Variants in DDAH1 observed in about 807,000 individuals in gnomAD.
DDAH1 encodes dimethylarginine dimethylaminohydrolase 1.
A neutral mutation model predicts 28.8 loss-of-function variants in DDAH1; 19 were observed. That is an observed-to-expected ratio of 0.66 (90% CI 0.46 to 0.97). The LOEUF is 0.97. DDAH1 is among the 50% of genes least tolerant of loss of function. The pLI is 0.00. For synonymous variants in DDAH1, 153 were observed against 154.4 expected, an observed-to-expected ratio of 0.99 and a Z score of 0.07; for missense variants, 326 against 375.9, an observed-to-expected ratio of 0.87 and a Z score of 1.10.
chr1:85,457,337 C>A (rs768660409), intron 1 of DDAH1, among the ~76,000 whole-genome samples: 1 of 152,172 alleles, frequency 6.6e-6, no homozygotes, highest in Non-Finnish European at 1.5e-5. Context: ...TTCTGGGAAG[C>A]CTTGGTGTGG....
intron 1 of DDAH1, among the ~76,000 whole-genome samples, chr1:85,407,755 T>C (rs900123337): frequency 6.6e-6 from 1 of 152,200 alleles, no homozygotes; most frequent in African/African-American, 2.4e-5. Context: ...CAATAATTTG[T>C]GCATTTAAAA....
In DDAH1 at chr1:85,382,354, G is replaced by A. The variant is rs1257191947; in HGVS notation, c.304-23507C>T. 3.3e-5 allele frequency among the ~76,000 whole-genome samples: 5 copies of A among 152,268 alleles called. No homozygotes were observed. In the South Asian group the frequency reaches 8.3e-4, roughly 25 times the overall value. On this transcript the variant is annotated intron_variant, in intron 1 of 5. Transcript: ENST00000284031. ...AGGCCCCAACTCTCTTAAATTCTAC[G>A]AGATCTGAGAAGAGGTGAGGTGAGG...
At chr1:85,423,656 A>G (rs1291937997) in intron 1 of DDAH1, among the ~76,000 whole-genome samples, 1 of 152,202 alleles carries the variant, frequency 6.6e-6, no homozygotes, top group Non-Finnish European at 1.5e-5. Context: ...AAATCTTGCT[A>G]TACTTCCTTA....
intron 1 of DDAH1, among the ~76,000 whole-genome samples, chr1:85,402,667 T>C (rs557847194): frequency 6.6e-6 from 1 of 152,160 alleles, no homozygotes; most frequent in East Asian, 1.9e-4. Flanking sequence ...TCCCAGCACT[T>C]TGGGAGGCCG....
At chr1:85,416,287 C>G (rs1652885916) in intron 1 of DDAH1, among the ~76,000 whole-genome samples, 2 of 151,770 alleles carry the variant, frequency 1.3e-5, no homozygotes, top group African/African-American at 4.8e-5. Context: ...AGTCTCACTC[C>G]CGGGTTCAAG....
chr1:85,434,020 C>A (rs1182356230), intron 1 of DDAH1, among the ~76,000 whole-genome samples: 2 of 152,098 alleles, frequency 1.3e-5, no homozygotes, highest in Non-Finnish European at 2.9e-5. Context: ...AATTAAAATA[C>A]ATTTAAGATA....
At chr1:85,371,334 A>G (rs755512562) in intron 1 of DDAH1, among the ~76,000 whole-genome samples, 3 of 152,218 alleles carry the variant, frequency 2.0e-5, no homozygotes, top group Non-Finnish European at 2.9e-5. Flanking sequence ...GCTATAAAAC[A>G]TAGCAGTAAA....
chr1:85,375,333 G>A (rs1440321477), intron 1 of DDAH1, among the ~76,000 whole-genome samples: 1 of 152,006 alleles, frequency 6.6e-6, no homozygotes, highest in Non-Finnish European at 1.5e-5. Context: ...TGGTCAACTC[G>A]AGCCCTCATT....
chr1:85,422,163 T>C (rs1378928788), intron 1 of DDAH1, among the ~76,000 whole-genome samples: 1 of 152,248 alleles, frequency 6.6e-6, no homozygotes, highest in African/African-American at 2.4e-5. Context: ...CAACAAATTA[T>C]GTTAAGCATC....
chr1:85,336,002 TAAAATAA>T (rs1648092077), intron 4 of DDAH1, among the ~76,000 whole-genome samples: 1 of 97,560 alleles, frequency 1.0e-5, no homozygotes, highest in Non-Finnish European at 2.3e-5. Flanking sequence ...TAAAATAAAA[TAAAATAA>T]AATAAAAAAC....
chr1:85,434,236 CAT>C (rs1437024429), intron 1 of DDAH1, among the ~76,000 whole-genome samples: 1 of 152,098 alleles, frequency 6.6e-6, no homozygotes, highest in Non-Finnish European at 1.5e-5. Context: ...TGATGTGTCA[CAT>C]GATGCCCCAA....
intron 1 of DDAH1, among the ~76,000 whole-genome samples, chr1:85,500,798 T>C (rs1305102181): frequency 4.6e-5 from 7 of 151,618 alleles, no homozygotes; most frequent in African/African-American, 1.7e-4. Context: ...ATCGTTTATA[T>C]TGCCCTGTCT....
intron 1 of DDAH1, among the ~76,000 whole-genome samples, chr1:85,368,589 C>T (rs1288664190): frequency 6.6e-6 from 1 of 152,084 alleles, no homozygotes. Context: ...GATAATGATA[C>T]AATACATGTA....
At chr1:85,322,644 G>C (rs762627478) in intron 5 of DDAH1, among the ~76,000 whole-genome samples, 2 of 152,072 alleles carry the variant, frequency 1.3e-5, no homozygotes, top group Non-Finnish European at 2.9e-5. Context: ...TCTGAGCCTC[G>C]GTTTACTTCT....
intron 1 of DDAH1, among the ~76,000 whole-genome samples, chr1:85,457,167 AG>A (rs1233081164): frequency 6.6e-6 from 1 of 152,160 alleles, no homozygotes. Flanking sequence ...AAGATCTGAG[AG>A]GGCACGGGTG....
At chr1:85,498,156 C>T (rs1485913303) in intron 1 of DDAH1, among the ~76,000 whole-genome samples, 1 of 152,230 alleles carries the variant, frequency 6.6e-6, no homozygotes, top group Non-Finnish European at 1.5e-5. Context: ...TCCTTCTCTT[C>T]TCCTTCTCCA....
intron 1 of DDAH1, among the ~76,000 whole-genome samples, chr1:85,524,764 T>C (rs1657807024): frequency 6.6e-6 from 1 of 151,362 alleles, no homozygotes; most frequent in East Asian, 1.9e-4. Flanking sequence ...AAGCCAAATA[T>C]GAGTAAGAAG....
intron 2 of DDAH1, among the ~76,000 whole-genome samples, chr1:85,479,890 T>A (rs1478015374): frequency 6.6e-6 from 1 of 152,200 alleles, no homozygotes; most frequent in Admixed American, 6.5e-5. Context: ...ATTTGGGAAT[T>A]TTTGTAAACG....
At chr1:85,347,971 AT>A (rs1456899497) in intron 4 of DDAH1, among the ~76,000 whole-genome samples, 5 of 152,122 alleles carry the variant, frequency 3.3e-5, no homozygotes, top group Admixed American at 1.3e-4. Flanking sequence ...GTAACATGAC[AT>A]TTTTGATGCT....
Sources: gnomAD v4.1 joint callset for allele counts (sites outside exome capture counted in the v4.1 genomes callset) on GRCh38, gnomAD v4.1.1 for gene constraint, MANE v1.5 for transcripts, NCBI Gene and HGNC (gene_info 2026-07-23, HGNC 2026-07-21) for gene names.